EFHC1: variants seen among roughly 807,000 people sequenced by gnomAD.
EFHC1 encodes the protein EF-hand domain-containing protein 1.
Under a neutral mutation model 69.9 loss-of-function variants are expected in EFHC1, and 53 were observed. The ratio of observed to expected loss-of-function variants is 0.76; its 90% CI spans 0.61 to 0.95. The LOEUF is 0.95. Among genes scored for constraint, EFHC1 ranks in the 40% least tolerant of loss-of-function variants. The probability of loss-of-function intolerance (pLI) is 0.00; values close to 1 mark genes in which losing one functional copy is unlikely to be tolerated. For synonymous variants in EFHC1, 256 were observed against 278.4 expected (o/e 0.92, Z 0.80); for missense variants, 739 against 798.7 (o/e 0.93, Z 0.90).
chr6:52,431,710 A>G (rs1370504341), intron 2 of EFHC1, among the ~76,000 whole-genome samples: 1 of 152,094 alleles, frequency 6.6e-6, no homozygotes, highest in Non-Finnish European at 1.5e-5. Flanking sequence ...TAAATATATT[A>G]AGTCCATTTG....
intron 1 of EFHC1, among the ~76,000 whole-genome samples, chr6:52,421,795 A>G (rs946576269): frequency 1.3e-5 from 2 of 152,256 alleles, no homozygotes; most frequent in Admixed American, 1.3e-4. Flanking sequence ...TATGTAATTT[A>G]GAAAATGTTG....
chr6:52,444,864 G>A (rs1014557477), intron 3 of EFHC1, among the ~76,000 whole-genome samples: 1 of 152,152 alleles, frequency 6.6e-6, no homozygotes, highest in African/African-American at 2.4e-5. Context: ...AGAAAGAATG[G>A]TACTAGCTCC....
At chr6:52,426,266 G>T (rs1232268845) in intron 2 of EFHC1, among the ~76,000 whole-genome samples, 1 of 152,142 alleles carries the variant, frequency 6.6e-6, no homozygotes, top group Admixed American at 6.5e-5. Context: ...CCTTTTACCA[G>T]ATCTAGAGAG....
At position 52,453,855 on chromosome 6, in the gene EFHC1, T is replaced by C. The variant is rs1230438953; in HGVS notation, c.724-240T>C. ...TTTTGGATCAAAGTGAGCTCTTCTT[T>C]TTTGGCACAAACTTATAATCCTATT... On this transcript the variant is annotated intron_variant, in intron 4 of 10. Coordinates refer to ENST00000371068, the MANE Select transcript of EFHC1 (RefSeq NM_018100.4). 7.4e-6 allele frequency: 10 copies of C among 1,353,040 alleles called. No homozygotes were observed. The East Asian group carries it at 4.2e-4, about 56-fold the overall frequency. 83.8% of individuals were successfully genotyped at this position (1,353,040 alleles called of 1,614,324 possible). A position where few individuals can be genotyped will look rare whatever the true frequency, so the allele number is the denominator to read the frequency against.
chr6:52,443,083 T>G (rs1461835934), intron 3 of EFHC1, among the ~76,000 whole-genome samples: 1 of 152,234 alleles, frequency 6.6e-6, no homozygotes, highest in Non-Finnish European at 1.5e-5. Context: ...CATAAATGTC[T>G]TCTTTTGAGA....
At chr6:52,451,203 G>C (rs1480877521) in intron 3 of EFHC1, among the ~76,000 whole-genome samples, 1 of 152,140 alleles carries the variant, frequency 6.6e-6, no homozygotes, top group African/African-American at 2.4e-5. Context: ...TTATTATGCT[G>C]GTTTGTTTGT....
Position 52,465,065 on chromosome 6 carries a change from G to A in EFHC1, c.1087G>A (p.Asp363Asn). The A allele has an allele frequency of 6.2e-7, 1 of 1,614,096 alleles. No individual in the cohort carries two copies. Among genetic ancestry groups the A allele is most frequent in the Non-Finnish European group, 8.5e-7 (1 of 1,180,022 alleles). Residue 363 changes from aspartate (D) to asparagine (N), a missense_variant, in exon 6 of 11, where the codon GAT becomes AAT. Physicochemically the swap from Asp to Asn is conservative, Grantham distance 23 (BLOSUM62 1). Transcript: ENST00000371068. ...TTACAAAGAGAAGTTTGGAATCACT[G>A]ATTTACCACGTATTGATGTGAGCAA... The part of the protein sequence containing the change: ...RYYKEKFGIT[D>N]LPRIDVSKRE...
At chr6:52,433,497 G>C (rs1450873680) in intron 2 of EFHC1, among the ~76,000 whole-genome samples, 1 of 152,216 alleles carries the variant, frequency 6.6e-6, no homozygotes, top group Non-Finnish European at 1.5e-5. Context: ...CTGGTACTGG[G>C]GGTTGTCTGC....
At chr6:52,483,949 G>A (rs1581850328) in intron 9 of EFHC1, 1 of 152,284 alleles carries the variant, frequency 6.6e-6, no homozygotes, top group African/African-American at 2.4e-5. Context: ...CTCTTTTGGG[G>A]AGGTTTGGTG....
intron 3 of EFHC1, among the ~76,000 whole-genome samples, chr6:52,449,729 G>GC (rs1225273798): frequency 6.6e-6 from 1 of 152,082 alleles, no homozygotes; most frequent in African/African-American, 2.4e-5. Context: ...CATTAGTCTA[G>GC]CTAGTGGCCT....
chr6:52,457,907 C>T lies in EFHC1; in HGVS notation c.916+3620C>T, dbSNP rs931885074. ...ACTCAGTCATTCGAATAATATTAAT[C>T]GAACATCCATATAGATGAAGGAAAC... On this transcript the variant is annotated intron_variant, in intron 5 of 10. Transcript: ENST00000371068. 4.6e-5 allele frequency among the ~76,000 whole-genome samples: 7 copies of T among 152,224 alleles called. No homozygotes were observed. In the East Asian group the frequency reaches 5.8e-4, roughly 13 times the overall value.
At chr6:52,451,332 G>T (rs1011608203) in intron 3 of EFHC1, among the ~76,000 whole-genome samples, 4 of 152,106 alleles carry the variant, frequency 2.6e-5, no homozygotes, top group Non-Finnish European at 5.9e-5. Context: ...AGGTCTGGTG[G>T]TAATGAACTC....
intron 2 of EFHC1, among the ~76,000 whole-genome samples, chr6:52,431,282 G>A (rs1228954579): frequency 1.3e-5 from 2 of 152,012 alleles, no homozygotes; most frequent in African/African-American, 4.8e-5. Flanking sequence ...GTTCCTTGAG[G>A]TGTGGCCTTA....
chr6:52,422,841 A>G (rs1764219915), intron 1 of EFHC1, among the ~76,000 whole-genome samples: 2 of 152,208 alleles, frequency 1.3e-5, no homozygotes, highest in African/African-American at 4.8e-5. Flanking sequence ...ACATATTTCC[A>G]TGCTTATAAT....
chr6:52,458,493 A>G (rs1261971200), intron 5 of EFHC1, among the ~76,000 whole-genome samples: 3 of 152,254 alleles, frequency 2.0e-5, no homozygotes, highest in African/African-American at 4.8e-5. Context: ...TAGGCAAAGG[A>G]CATGAACAGA....
In EFHC1 at chr6:52,432,048, GTTTC is replaced by G. The variant is rs1764427186; in HGVS notation, c.286-6252_286-6249del. On this transcript the variant is annotated intron_variant, in intron 2 of 10. Transcript: ENST00000371068. The stretch of plus-strand genomic sequence containing the variant: ...CACTTTTGGTGTCCATTTGCATGGA[GTTTC>G]TTTATCCACCCCTTTACCTTAAATT... Among the ~76,000 whole-genome samples the G allele has an allele frequency of 2.6e-5, 4 of 152,168 alleles. 1 individual carries two copies. In the South Asian group the frequency reaches 8.3e-4, roughly 32 times the overall value.
At chr6:52,473,411 T>C (rs994498693) in intron 7 of EFHC1, among the ~76,000 whole-genome samples, 5 of 152,240 alleles carry the variant, frequency 3.3e-5, no homozygotes, top group African/African-American at 1.2e-4. Context: ...ATAAAACTTC[T>C]TAGCAATAAA....
Position 52,493,519 on chromosome 6 carries a change from G to A in EFHC1, c.*1178G>A. On this transcript the variant is annotated 3_prime_UTR_variant, in exon 11 of 11. Transcript: ENST00000371068. ...ATAGAAAAATTAGCCAGGTGTGGTG[G>A]CGTGTGCCTGTAGTCCCAGCCACTC... 1 of 408,478 alleles carries A rather than the reference G, an allele frequency of 2.4e-6. No homozygotes were observed. The highest frequency in any genetic ancestry group is 1.8e-5 in the South Asian group (1 of 56,028). The allele number at this position is 408,478 out of a possible 1,614,324, so 25.3% of individuals were successfully genotyped here.
intron 7 of EFHC1, 94 bp from the exon 8 acceptor site, chr6:52,478,943 T>C (rs1238207210): frequency 1.7e-6 from 2 of 1,182,434 alleles, no homozygotes; most frequent in African/African-American, 3.0e-5. Flanking sequence ...ACTGCTTCAT[T>C]TATATCCTAT....
Sources: allele counts gnomAD v4.1 joint callset (sites outside exome capture counted in the v4.1 genomes callset), GRCh38; gene constraint gnomAD v4.1.1; transcripts MANE v1.5; gene names NCBI Gene and HGNC (gene_info 2026-07-23, HGNC 2026-07-21).